Variants in CAMK4 observed in about 807,000 individuals in gnomAD.
The protein encoded by CAMK4 is calcium/calmodulin-dependent protein kinase type IV.
In CAMK4, 22 loss-of-function variants were observed where a neutral mutation model predicts 44.9. That is an observed-to-expected ratio of 0.49 (90% CI 0.35 to 0.70). The LOEUF is 0.70. Among genes scored for constraint, CAMK4 ranks in the 30% least tolerant of loss-of-function variants. The probability of loss-of-function intolerance (pLI) is 0.01; values close to 1 mark genes in which losing one functional copy is unlikely to be tolerated. For missense variants in CAMK4, 498 were observed against 586.8 expected (o/e 0.85, Z 1.56); for synonymous variants, 218 against 215.4 (o/e 1.01, Z -0.11).
chr5:111,300,817 TCTC>T (rs1747688222), intron 1 of CAMK4, among the ~76,000 whole-genome samples: 1 of 152,154 alleles, frequency 6.6e-6, no homozygotes, highest in Non-Finnish European at 1.5e-5. Flanking sequence ...ACATAAGAAT[TCTC>T]CTAAGAATTG....
At chr5:111,368,703 C>G (rs927148366) in intron 2 of CAMK4, among the ~76,000 whole-genome samples, 2 of 152,100 alleles carry the variant, frequency 1.3e-5, no homozygotes, top group Admixed American at 6.6e-5. Flanking sequence ...TTTCCTTGGT[C>G]ATCATTACTT....
chr5:111,476,237 C>CTT (rs1271230178), intron 8 of CAMK4, among the ~76,000 whole-genome samples: 1 of 105,172 alleles, frequency 9.5e-6, no homozygotes, highest in Non-Finnish European at 2.0e-5. Context: ...CTCTTTGCTT[C>CTT]TTTGTGTGTG....
chr5:111,317,011 C>G (rs966646553), intron 1 of CAMK4, among the ~76,000 whole-genome samples: 2 of 152,066 alleles, frequency 1.3e-5, no homozygotes, highest in Non-Finnish European at 2.9e-5. Context: ...GTTCAAGCTT[C>G]TCTCCTTTGT....
chr5:111,226,891 A>G (rs530703163), intron 1 of CAMK4, among the ~76,000 whole-genome samples: 1 of 152,330 alleles, frequency 6.6e-6, no homozygotes, highest in South Asian at 2.1e-4. Flanking sequence ...AAAAATTGTA[A>G]GTTAAGCCCA....
At chr5:111,282,093 A>G (rs1751047798) in intron 1 of CAMK4, among the ~76,000 whole-genome samples, 1 of 152,120 alleles carries the variant, frequency 6.6e-6, no homozygotes, top group Non-Finnish European at 1.5e-5. Context: ...AATTAGGGCA[A>G]TGACTTCCTA....
intron 4 of CAMK4, among the ~76,000 whole-genome samples, chr5:111,388,919 A>G (rs2112850452): frequency 6.6e-6 from 1 of 152,282 alleles, no homozygotes; most frequent in South Asian, 2.1e-4. Context: ...TCCCTCCCAC[A>G]TGAACACAGC....
intron 4 of CAMK4, 87 bp downstream of exon 4, chr5:111,377,029 T>A: frequency 2.5e-6 from 2 of 798,434 alleles, no homozygotes; most frequent in Non-Finnish European, 2.1e-6. Context: ...CTGAAACTTT[T>A]TATAATGACA....
intron 3 of CAMK4, among the ~76,000 whole-genome samples, chr5:111,375,275 A>G (rs184078915): frequency 1.3e-5 from 2 of 152,302 alleles, no homozygotes; most frequent in African/African-American, 4.8e-5. Context: ...AAGAAAATAC[A>G]TTGCTTTCCC....
chr5:111,276,972 C>G (rs182585195), intron 1 of CAMK4, among the ~76,000 whole-genome samples: 2 of 152,210 alleles, frequency 1.3e-5, no homozygotes, highest in East Asian at 3.9e-4. Flanking sequence ...AATTGCTGTT[C>G]CTTTGCCACA....
At chr5:111,390,206 A>G (rs1006998017) in intron 4 of CAMK4, among the ~76,000 whole-genome samples, 3 of 152,170 alleles carry the variant, frequency 2.0e-5, no homozygotes, top group Non-Finnish European at 2.9e-5. Context: ...TATCCCAAAA[A>G]TAAAAAGAGG....
At chr5:111,288,485 T>C (rs1751322435) in intron 1 of CAMK4, among the ~76,000 whole-genome samples, 1 of 152,246 alleles carries the variant, frequency 6.6e-6, no homozygotes, top group African/African-American at 2.4e-5. Flanking sequence ...TTTTGAGACA[T>C]TGCCTGACAT....
intron 1 of CAMK4, among the ~76,000 whole-genome samples, chr5:111,320,839 T>C (rs1748633034): frequency 6.6e-6 from 1 of 152,212 alleles, no homozygotes; most frequent in South Asian, 2.1e-4. Flanking sequence ...TTCAAGTGCA[T>C]TGTCTTTCAC....
chr5:111,333,065 T>C (rs1267822319), intron 1 of CAMK4, among the ~76,000 whole-genome samples: 2 of 151,646 alleles, frequency 1.3e-5, no homozygotes, highest in Admixed American at 1.3e-4. Context: ...TAGTAACACT[T>C]CTATAAAATC....
intron 7 of CAMK4, among the ~76,000 whole-genome samples, chr5:111,460,412 C>G (rs1754604083): frequency 2.0e-5 from 3 of 151,848 alleles, no homozygotes; most frequent in East Asian, 3.9e-4. Context: ...GCTGGGACCA[C>G]AAGCGCACAC....
At chr5:111,332,875 G>T (rs1169774744) in intron 1 of CAMK4, among the ~76,000 whole-genome samples, 1 of 151,610 alleles carries the variant, frequency 6.6e-6, no homozygotes, top group Non-Finnish European at 1.5e-5. Context: ...ATTAAATTTT[G>T]GTTTGAAATA....
intron 5 of CAMK4, among the ~76,000 whole-genome samples, chr5:111,398,105 C>T (rs455531): frequency 0.39 from 58,906 of 152,012 alleles, 11,742 homozygotes; most frequent in Non-Finnish European, 0.43. Context: ...CACCTGCTTC[C>T]CTCTGCTCTC....
intron 7 of CAMK4, among the ~76,000 whole-genome samples, chr5:111,466,642 G>A (rs1754845282): frequency 6.6e-6 from 1 of 152,080 alleles, no homozygotes; most frequent in Non-Finnish European, 1.5e-5. Context: ...CCTAGCCAAG[G>A]ACATGAAAGA....
intron 5 of CAMK4, among the ~76,000 whole-genome samples, chr5:111,437,561 A>G (rs1753689852): frequency 1.3e-5 from 2 of 152,228 alleles, no homozygotes; most frequent in Non-Finnish European, 2.9e-5. Flanking sequence ...AATAGGCAGC[A>G]TCAATGAGAG....
chr5:111,464,237 CT>C (rs35917351), intron 7 of CAMK4, among the ~76,000 whole-genome samples: 48,996 of 151,422 alleles, frequency 0.32, 9,442 homozygotes, highest in Middle Eastern at 0.45. Context: ...GAAGAAAGAG[CT>C]TCAGAGCTCG....
Sources: gnomAD v4.1 joint callset for allele counts (sites outside exome capture counted in the v4.1 genomes callset) on GRCh38, gnomAD v4.1.1 for gene constraint, MANE v1.5 for transcripts, NCBI Gene and HGNC (gene_info 2026-07-23, HGNC 2026-07-21) for gene names.